The following RAB12 variants were observed in gnomAD, a reference collection of about 807,000 sequenced individuals.
RAB12 encodes the protein ras-related protein Rab-12.
In RAB12, 11 loss-of-function variants were observed where a neutral mutation model predicts 28.4. The observed-to-expected ratio is 0.39, with a 90% CI of 0.24 to 0.64. The LOEUF is 0.64. RAB12 is among the 30% of genes least tolerant of loss of function. RAB12 has a pLI of 0.50. For synonymous variants in RAB12, 138 were observed against 145.3 expected (o/e 0.95, Z 0.36); for missense variants, 276 against 351.1 (o/e 0.79, Z 1.71).
intron 3 of RAB12, 78 bp downstream of exon 3, chr18:8,633,405 C>T: frequency 6.6e-7 from 1 of 1,509,764 alleles, no homozygotes; most frequent in Non-Finnish European, 9.1e-7. Flanking sequence ...GGAGGGGAAA[C>T]ACATGTATTG....
At chr18:8,627,248 G>A (rs1439309957) in intron 2 of RAB12, among the ~76,000 whole-genome samples, 5 of 152,204 alleles carry the variant, frequency 3.3e-5, no homozygotes, top group South Asian at 2.1e-4. Context: ...GGCATAGAAG[G>A]CGCCTGTGTA....
At chr18:8,621,640 CAG>C (rs2096009932) in intron 1 of RAB12, among the ~76,000 whole-genome samples, 2 of 151,812 alleles carry the variant, frequency 1.3e-5, no homozygotes, top group African/African-American at 4.8e-5. Context: ...ATTTTAGGGT[CAG>C]GGGGTACATG....
intron 2 of RAB12, among the ~76,000 whole-genome samples, chr18:8,631,078 G>T (rs958101714): frequency 6.6e-6 from 1 of 152,096 alleles, no homozygotes; most frequent in South Asian, 2.1e-4. Flanking sequence ...TAGTAGAGAC[G>T]GGGGTTTCAC....
chr18:8,619,887 A>G (rs2096008786), intron 1 of RAB12, among the ~76,000 whole-genome samples: 1 of 152,176 alleles, frequency 6.6e-6, no homozygotes, highest in South Asian at 2.1e-4. Flanking sequence ...GCTCATGCCT[A>G]TAAACCCAGC....
At chr18:8,636,048 C>T in intron 4 of RAB12, 2 of 545,522 alleles carry the variant, frequency 3.7e-6, no homozygotes, top group Non-Finnish European at 6.5e-6. Context: ...CCGGCATCAC[C>T]TTCAGGATTT....
At chr18:8,626,223 C>T (rs1237532945) in intron 2 of RAB12, among the ~76,000 whole-genome samples, 2 of 152,210 alleles carry the variant, frequency 1.3e-5, no homozygotes, top group South Asian at 2.1e-4. Flanking sequence ...AGCTTTTAAA[C>T]GCTGGAAATG....
At chr18:8,625,114 C>T in intron 2 of RAB12, 116 bp downstream of exon 2, 1 of 648,386 alleles carries the variant, frequency 1.5e-6, no homozygotes, top group East Asian at 2.8e-5. Flanking sequence ...TCCTCTTTTG[C>T]TCATTTTAAA....
chr18:8,612,965 CTT>C lies in RAB12; in HGVS notation c.514+3015_514+3016del, dbSNP rs1291978947. On this transcript the variant is annotated intron_variant, in intron 1 of 5. Coordinates refer to ENST00000649141, the MANE Select transcript of RAB12 (RefSeq NM_001025300.3). The stretch of plus-strand genomic sequence containing the variant: ...CCACTGCTCCTGACCAGTAAGTGCC[CTT>C]TTAAAGTAAATGGGATTCACTTGAA... 5.9e-5 allele frequency among the ~76,000 whole-genome samples: 9 copies of C among 152,212 alleles called. 1 individual carries two copies. The South Asian group carries it at 1.0e-3, about 18-fold the overall frequency.
intron 2 of RAB12, among the ~76,000 whole-genome samples, chr18:8,631,493 G>C (rs983583869): frequency 3.3e-5 from 5 of 152,196 alleles, no homozygotes; most frequent in African/African-American, 1.2e-4. Flanking sequence ...CCTGCTGGCT[G>C]CAGAGCGGCT....
chr18:8,632,093 C>T (rs1396750221), intron 2 of RAB12, among the ~76,000 whole-genome samples: 1 of 152,000 alleles, frequency 6.6e-6, no homozygotes, highest in Non-Finnish European at 1.5e-5. Context: ...ACCAGCCTGG[C>T]CGACATGGTG....
chr18:8,612,725 C>G (rs1242868316), intron 1 of RAB12, among the ~76,000 whole-genome samples: 2 of 152,188 alleles, frequency 1.3e-5, no homozygotes, highest in Non-Finnish European at 2.9e-5. Context: ...GGCTGGAGTG[C>G]AGTGGTACGA....
At chr18:8,612,962 G>C (rs1019925444) in intron 1 of RAB12, among the ~76,000 whole-genome samples, 2 of 152,212 alleles carry the variant, frequency 1.3e-5, no homozygotes, top group Non-Finnish European at 2.9e-5. Flanking sequence ...ACCAGTAAGT[G>C]CCCTTTTAAA....
intron 1 of RAB12, among the ~76,000 whole-genome samples, chr18:8,613,845 A>G (rs2096005231): frequency 6.6e-6 from 1 of 151,744 alleles, no homozygotes; most frequent in African/African-American, 2.4e-5. Flanking sequence ...TAGTAGTAGT[A>G]GTAGTAGTAG....
chr18:8,634,231 G>A lies in RAB12; in HGVS notation c.714+904G>A, dbSNP rs777134258. On this transcript the variant is annotated intron_variant, in intron 3 of 5. Coordinates refer to ENST00000649141, the MANE Select transcript of RAB12 (RefSeq NM_001025300.3). ...AAAGCAAGAGGATCACTTGAACCCA[G>A]GAGGTCGAGACCAGCCTGGGCAACA... is the stretch of plus-strand genomic sequence containing the variant. Among the ~76,000 whole-genome samples the A allele has an allele frequency of 3.1e-4, 28 of 89,704 alleles. 2 individuals are homozygous for A. The highest frequency in any genetic ancestry group is 6.2e-4 in the Non-Finnish European group (22 of 35,422). The allele number at this position is 89,704 out of a possible 152,430, so 58.8% of individuals were successfully genotyped here.
At chr18:8,611,128 ATGTC>A (rs1007536710) in intron 1 of RAB12, among the ~76,000 whole-genome samples, 2 of 152,148 alleles carry the variant, frequency 1.3e-5, no homozygotes, top group African/African-American at 4.8e-5. Context: ...AATATTTGTG[ATGTC>A]TGTACCATAT....
rs759731885 is a variant in RAB12 at position 8,638,196 on chromosome 18, G to A, written c.957G>A (p.Ser319=). 1.9e-5 allele frequency: 31 copies of A among 1,613,564 alleles called. No individual in the cohort carries two copies. The highest frequency in any genetic ancestry group is 4.5e-5 in the East Asian group (2 of 44,872). Residue 319 remains serine, a synonymous_variant, in exon 6 of 6, where the codon TCG becomes TCA. Coordinates refer to ENST00000649141, the MANE Select transcript of RAB12 (RefSeq NM_001025300.3). ...ATGAGTTGTCCAATAGTATCCTGTC[G>A]TTACAACCAGAGCCTGAGATACCGC... ...LRNELSNSIL[S]LQPEPEIPPE...
Position 8,633,211 on chromosome 18 carries a change from T to G in RAB12, c.598T>G (p.Phe200Val). Residue 200 changes from phenylalanine to valine, a missense_variant, in exon 3 of 6, where the codon TTC becomes GTC. This residue lies in a region of RAB12 where 1 missense variants were observed against 16.3 expected (regional missense o/e 0.06). Transcript: ENST00000649141. The part of the protein sequence containing the change: ...QIWDTAGQER[F>V]NSITSAYYRS... ...TAGGGACACAGCAGGTCAGGAGAGA[T>G]TCAACAGCATTACCTCAGCTTATTA... The G allele has an allele frequency of 6.2e-7, 1 of 1,614,114 alleles. No homozygotes were observed. The highest frequency in any genetic ancestry group is 8.5e-7 in the Non-Finnish European group (1 of 1,180,006).
At chr18:8,611,802 C>A (rs1172649662) in intron 1 of RAB12, among the ~76,000 whole-genome samples, 10 of 152,134 alleles carry the variant, frequency 6.6e-5, no homozygotes, top group South Asian at 2.1e-4. Flanking sequence ...CATGCACTTA[C>A]CCGAGCACAT....
intron 1 of RAB12, among the ~76,000 whole-genome samples, chr18:8,621,465 G>A (rs557942574): frequency 5.3e-5 from 8 of 152,294 alleles, no homozygotes; most frequent in Admixed American, 1.3e-4. Context: ...GTTTAAGAGC[G>A]AGGACTGTTT....
Sources: allele counts gnomAD v4.1 joint callset (sites outside exome capture counted in the v4.1 genomes callset), GRCh38; gene constraint gnomAD v4.1.1; regional missense constraint gnomAD v4.1.1; transcripts MANE v1.5; gene names NCBI Gene and HGNC (gene_info 2026-07-23, HGNC 2026-07-21).